The following CNTNAP3 variants were observed in gnomAD, a reference collection of about 807,000 sequenced individuals.
CNTNAP3 encodes contactin-associated protein-like 3.
A neutral mutation model predicts 92.1 loss-of-function variants in CNTNAP3; 36 were observed. The ratio of observed to expected loss-of-function variants is 0.39; its 90% CI spans 0.30 to 0.52. The LOEUF (loss-of-function observed/expected upper bound fraction) is 0.52, where lower values mean the gene tolerates loss of function less well. Ranked by LOEUF, CNTNAP3 falls within the 20% of genes least tolerant of loss-of-function variation. The probability of loss-of-function intolerance (pLI) is 0.76; values close to 1 mark genes in which losing one functional copy is unlikely to be tolerated. For missense variants in CNTNAP3, 534 were observed against 1,069.6 expected (o/e 0.50, Z 6.98); for synonymous variants, 232 against 422.3 (o/e 0.55, Z 5.53).
In CNTNAP3 at chr9:39,144,486, G is replaced by T. The variant is rs1249352272; in HGVS notation, c.1650-140C>A. On this transcript the variant is annotated intron_variant, in intron 10 of 23. Transcript: ENST00000297668. The stretch of plus-strand genomic sequence containing the variant: ...GATAACCCCACATGACGTGATTACT[G>T]GGTCTGCCATCAAGGTTCTCTAATT... 3.0e-6 allele frequency: 4 copies of T among 1,326,260 alleles called. No homozygotes were observed. In the African/African-American group the frequency reaches 5.9e-5, roughly 20 times the overall value. The allele number at this position is 1,326,260 out of a possible 1,614,324, so 82.2% of individuals were successfully genotyped here.
chr9:39,113,536 T>G lies in CNTNAP3; in HGVS notation c.2238-4249A>C, dbSNP rs1270028365. ...TATTTCTTTATATTATTTTGGATTT[T>G]CTATGTAGGCAATCATATTATCTAC... On this transcript the variant is annotated intron_variant, in intron 14 of 23. Transcript: ENST00000297668. Among the ~76,000 whole-genome samples, 4 of 151,724 alleles carry G rather than the reference T, an allele frequency of 2.6e-5. No individual in the cohort carries two copies. The East Asian group carries it at 7.7e-4, about 29-fold the overall frequency.
chr9:39,137,020 T>C (rs1344735842), intron 12 of CNTNAP3, among the ~76,000 whole-genome samples: 1 of 151,954 alleles, frequency 6.6e-6, no homozygotes, highest in Non-Finnish European at 1.5e-5. Context: ...TGTGGTTTGG[T>C]GTCTGATACT....
Position 39,140,520 on chromosome 9 carries a change from T to C in CNTNAP3, c.1875A>G (p.Thr625=), listed in dbSNP as rs1428397758. The change falls in exon 12 of 24, where the codon ACA becomes ACG. Residue 625 remains threonine (T), a splice_region_variant and synonymous_variant. Coordinates refer to ENST00000297668, the MANE Select transcript of CNTNAP3 (RefSeq NM_033655.5). The stretch of plus-strand genomic sequence containing the variant: ...TGCATATAACGATTATCAACATACC[T>C]GTCATATTGCAGTACACAAGAAATG... ...LGPFLVYCNM[T]ADAAWTVVQH... 1 of 1,613,432 alleles carries C rather than the reference T, an allele frequency of 6.2e-7. No individual in the cohort carries two copies. The highest frequency in any genetic ancestry group is 1.3e-5 in the African/African-American group (1 of 74,890).
At chr9:39,136,257 G>A (rs1031971827) in intron 12 of CNTNAP3, among the ~76,000 whole-genome samples, 1 of 152,012 alleles carries the variant, frequency 6.6e-6, no homozygotes, top group African/African-American at 2.4e-5. Context: ...TGTAAACGGG[G>A]ATTGTCTGCA....
intron 14 of CNTNAP3, among the ~76,000 whole-genome samples, chr9:39,109,667 C>G (rs941277174): frequency 6.6e-6 from 1 of 151,990 alleles, no homozygotes; most frequent in Non-Finnish European, 1.5e-5. Flanking sequence ...ATTTTTCAAC[C>G]TTTTAAAAAT....
intron 17 of CNTNAP3, among the ~76,000 whole-genome samples, chr9:39,101,297 A>C (rs1430015520): frequency 1.3e-5 from 2 of 151,938 alleles, no homozygotes; most frequent in African/African-American, 4.8e-5. Context: ...TAGTACCTGG[A>C]AGTTGTATCT....
In CNTNAP3 at chr9:39,067,613, G is replaced by T. The variant is rs1825537990; in HGVS notation, c.*6277C>A. Among the ~76,000 whole-genome samples the T allele has an allele frequency of 6.6e-6, 1 of 152,312 alleles. No homozygotes were observed. Among genetic ancestry groups the T allele is most frequent in the African/African-American group, 2.4e-5 (1 of 41,488 alleles). ...GGGTTTCCACCTTGTTAGCAGGATG[G>T]TCTCCATCTCCCGACCTCGTGATCT... On this transcript the variant is annotated 3_prime_UTR_variant, in exon 24 of 24. Transcript: ENST00000297668.
chr9:39,116,416 T>A (rs1369822193), intron 14 of CNTNAP3, among the ~76,000 whole-genome samples: 2 of 151,866 alleles, frequency 1.3e-5, no homozygotes, highest in African/African-American at 4.8e-5. Context: ...GTCAAAAGAT[T>A]TGAAGGTCGC....
rs150227472 is a variant in CNTNAP3, at chr9:39,094,402, C to T, written c.2995+5509G>A. Reference sequence around the variant, plus strand: ...ATCTATTTTTATTGTTGTTGTTGCCCGTGCTTTTGGGGTGATTTTTAAAAA... The same window carrying T: ...ATCTATTTTTATTGTTGTTGTTGCCTGTGCTTTTGGGGTGATTTTTAAAAA... On this transcript the variant is annotated intron_variant, in intron 18 of 23. Transcript: ENST00000297668. Among the ~76,000 whole-genome samples the T allele has an allele frequency of 3.4e-3, 522 of 151,508 alleles. 1 individual carries two copies. Among genetic ancestry groups the T allele is most frequent in the African/African-American group, 0.012 (490 of 41,444 alleles).
At chr9:39,152,747 C>A (rs1351158273) in intron 9 of CNTNAP3, among the ~76,000 whole-genome samples, 4 of 141,066 alleles carry the variant, frequency 2.8e-5, no homozygotes, top group African/African-American at 1.1e-4. Flanking sequence ...GCTCCACCAC[C>A]CAGGTTCACA....
rs532415779 is a variant in CNTNAP3 at position 39,148,750 on chromosome 9, C to A, written c.1649+1056G>T. ...CCATGTTAGCCAGGATGGTCTCGAT[C>A]TCCTGACCTCATGATCCGCTCTCCT... On this transcript the variant is annotated intron_variant, in intron 10 of 23. Transcript: ENST00000297668. Among the ~76,000 whole-genome samples, 7 of 152,280 alleles carry A rather than the reference C, an allele frequency of 4.6e-5. No homozygotes were observed. In the South Asian group the frequency reaches 6.2e-4, roughly 14 times the overall value.
chr9:39,067,634 G>T lies in CNTNAP3; in HGVS notation c.*6256C>A, dbSNP rs1441784030. On this transcript the variant is annotated 3_prime_UTR_variant, in exon 24 of 24. Transcript: ENST00000297668. ...GATGGTCTCCATCTCCCGACCTCGT[G>T]ATCTGCCTGCCTCGACCTCCCAAAG... Among the ~76,000 whole-genome samples the T allele has an allele frequency of 1.3e-5, 2 of 152,310 alleles. No individual in the cohort carries two copies. The highest frequency in any genetic ancestry group is 6.5e-5 in the Admixed American group (1 of 15,294).
intron 15 of CNTNAP3, among the ~76,000 whole-genome samples, chr9:39,108,289 G>A (rs1826656051): frequency 6.6e-6 from 1 of 151,792 alleles, no homozygotes; most frequent in African/African-American, 2.4e-5. Flanking sequence ...CCTCTCTGGG[G>A]AGTGAGTACG....
intron 19 of CNTNAP3, among the ~76,000 whole-genome samples, chr9:39,087,568 G>A (rs1826090723): frequency 6.6e-6 from 1 of 151,966 alleles, no homozygotes; most frequent in African/African-American, 2.4e-5. Context: ...CTCACTGCAA[G>A]CTCTGCCTCC....
At chr9:39,126,094 A>G (rs1821146713) in intron 13 of CNTNAP3, among the ~76,000 whole-genome samples, 1 of 152,196 alleles carries the variant, frequency 6.6e-6, no homozygotes, top group Admixed American at 6.5e-5. Flanking sequence ...GTTAAACCAC[A>G]TTCTAGGCCA....
At chr9:39,080,886 C>G (rs540222278) in intron 21 of CNTNAP3, among the ~76,000 whole-genome samples, 12 of 138,818 alleles carry the variant, frequency 8.6e-5, no homozygotes, top group African/African-American at 3.2e-4. Context: ...AGGACGGTCT[C>G]GATCTCTTGA....
chr9:39,089,093 G>A (rs1015020051), intron 18 of CNTNAP3, among the ~76,000 whole-genome samples: 5 of 151,926 alleles, frequency 3.3e-5, no homozygotes. Context: ...TAGTATATTT[G>A]CAGGCATGTG....
intron 18 of CNTNAP3, among the ~76,000 whole-genome samples, chr9:39,094,992 T>C (rs185232987): frequency 2.1e-4 from 32 of 151,638 alleles, no homozygotes; most frequent in Admixed American, 7.2e-4. Context: ...ATCTATTTAG[T>C]TCTTTCTTTA....
chr9:39,090,670 G>A (rs1401564673), intron 18 of CNTNAP3, among the ~76,000 whole-genome samples: 1 of 152,308 alleles, frequency 6.6e-6, no homozygotes, highest in Non-Finnish European at 1.5e-5. Flanking sequence ...CTTAAAGATT[G>A]TTTTGGCTAT....
Sources: gnomAD v4.1 joint callset for allele counts (sites outside exome capture counted in the v4.1 genomes callset) on GRCh38, gnomAD v4.1.1 for gene constraint, MANE v1.5 for transcripts, NCBI Gene and HGNC (gene_info 2026-07-23, HGNC 2026-07-21) for gene names.